The following GOLGB1 variants were observed in gnomAD, a reference collection of about 807,000 sequenced individuals.
GOLGB1 encodes the protein golgin subfamily B member 1.
In GOLGB1, 174 loss-of-function variants were observed where a neutral mutation model predicts 336.9. The ratio of observed to expected loss-of-function variants is 0.52; its 90% CI spans 0.46 to 0.59. The LOEUF (loss-of-function observed/expected upper bound fraction) is 0.59. GOLGB1 is among the 20% of genes least tolerant of loss of function. The probability of loss-of-function intolerance (pLI) is 0.00; values close to 1 mark genes in which losing one functional copy is unlikely to be tolerated. For synonymous variants in GOLGB1, 1,208 were observed against 1,289.2 expected, an observed-to-expected ratio of 0.94 and a Z score of 1.35; for missense variants, 3,331 against 3,645.3, an observed-to-expected ratio of 0.91 and a Z score of 2.22.
At chr3:121,748,834 A>G (rs1351176080) in intron 1 of GOLGB1, 1 of 983,440 alleles carries the variant, frequency 1.0e-6, no homozygotes, top group Non-Finnish European at 1.2e-6. Context: ...CGCTCCCCAT[A>G]GACCAACTGG....
In GOLGB1 at chr3:121,669,303, G is replaced by C; in HGVS notation, c.9230C>G (p.Thr3077Ser). 1.2e-6 allele frequency: 2 copies of C among 1,613,496 alleles called. No individual in the cohort carries two copies. Among genetic ancestry groups the C allele is most frequent in the Non-Finnish European group, 1.7e-6 (2 of 1,179,398 alleles). Residue 3077 changes from threonine to serine, a missense_variant, in exon 18 of 22, where the codon ACC becomes AGC. Transcript: ENST00000614479. ...CTGGTTCTCACGAAGACTCTGACTG[G>C]TATCGCAGAGCTGAATGGAAAGGGT... is the stretch of plus-strand genomic sequence containing the variant. ...KNTLSIQLCD[T>S]SQSLRENQQH...
chr3:121,709,654 C>A (rs1309352548), intron 10 of GOLGB1, among the ~76,000 whole-genome samples: 1 of 152,010 alleles, frequency 6.6e-6, no homozygotes, highest in Non-Finnish European at 1.5e-5. Flanking sequence ...TAAAAAACCA[C>A]AACATAACAA....
chr3:121,745,285 C>CATATTCATAGTCATAAATTCATGTAAGGA (rs1947175249), intron 1 of GOLGB1, among the ~76,000 whole-genome samples: 1 of 139,298 alleles, frequency 7.2e-6, no homozygotes, highest in Non-Finnish European at 1.5e-5. Flanking sequence ...TGTATATATA[C>CATATTCATAGTCATAAATTCATGTAAGGA]ATATGTATAC....
In GOLGB1 at chr3:121,692,441, G is replaced by T. The variant is rs1263867668; in HGVS notation, c.6923C>A (p.Ser2308Tyr). 3.1e-6 allele frequency: 5 copies of T among 1,613,914 alleles called. 1 individual carries two copies. In the Admixed American group the frequency reaches 8.3e-5, roughly 27 times the overall value. Residue 2308 changes from serine to tyrosine, a missense_variant, in exon 14 of 22, where the codon TCT becomes TAT. Ser to Tyr is a moderately radical substitution (Grantham distance 144, BLOSUM62 -2). Coordinates refer to ENST00000614479, the MANE Select transcript of GOLGB1 (RefSeq NM_001366282.2). ...TTCCAACTTAGCTAATTCATTCTGA[G>T]AACTGTGGTATAGGTGGCGTGTCTC... is the stretch of plus-strand genomic sequence containing the variant. ...LEETRHLYHSSQNELAKLESE... is the reference protein window; with the variant it reads ...LEETRHLYHSYQNELAKLESE...
At chr3:121,738,326 CCT>C (rs1332482644) in intron 1 of GOLGB1, among the ~76,000 whole-genome samples, 1 of 152,188 alleles carries the variant, frequency 6.6e-6, no homozygotes, top group Non-Finnish European at 1.5e-5. Context: ...TTTGTATCTT[CCT>C]TTATTCCCAC....
chr3:121,668,932 A>G (rs1939102851), intron 18 of GOLGB1, among the ~76,000 whole-genome samples: 1 of 152,218 alleles, frequency 6.6e-6, no homozygotes, highest in Admixed American at 6.5e-5. Context: ...AAGCAAAATC[A>G]ACACTTTCTC....
Sources: gnomAD v4.1 joint callset for allele counts (sites outside exome capture counted in the v4.1 genomes callset) on GRCh38, gnomAD v4.1.1 for gene constraint, MANE v1.5 for transcripts, NCBI Gene and HGNC (gene_info 2026-07-23, HGNC 2026-07-21) for gene names.